The following TXNDC5 variants were observed in gnomAD, a reference collection of about 807,000 sequenced individuals.
TXNDC5 encodes thioredoxin domain-containing protein 5.
A neutral mutation model predicts 52.6 loss-of-function variants in TXNDC5; 44 were observed. The observed-to-expected ratio is 0.84, with a 90% CI of 0.66 to 1.08. TXNDC5 has a LOEUF of 1.08. Among genes scored for constraint, TXNDC5 ranks in the 50% least tolerant of loss-of-function variants. TXNDC5 has a pLI of 0.00. For synonymous variants in TXNDC5, 241 were observed against 234.4 expected (o/e 1.03, Z -0.26); for missense variants, 600 against 565.5 (o/e 1.06, Z -0.62).
At chr6:7,909,036 G>C (rs1220533381) in intron 1 of TXNDC5, among the ~76,000 whole-genome samples, 2 of 152,238 alleles carry the variant, frequency 1.3e-5, no homozygotes, top group Middle Eastern at 3.4e-3. Context: ...AAAAATTCGA[G>C]TCAGTTGGTT....
Position 7,899,692 on chromosome 6 carries a change from A to T in TXNDC5, c.414-11T>A. On this transcript the variant is annotated splice_polypyrimidine_tract_variant and intron_variant, in intron 2 of 9. Transcript: ENST00000379757. ...TTGAAAAGCTTTAAGCTGAAAGAAT[A>T]ACAAAGGATTAGACAGAGCAAAAAG... 6.2e-7 allele frequency: 1 copy of T among 1,611,334 alleles called. No individual in the cohort carries two copies. The highest frequency in any genetic ancestry group is 8.5e-7 in the Non-Finnish European group (1 of 1,177,818).
intron 1 of TXNDC5, among the ~76,000 whole-genome samples, chr6:7,905,502 T>C (rs141073174): frequency 2.0e-5 from 3 of 152,374 alleles, no homozygotes; most frequent in African/African-American, 7.2e-5. Flanking sequence ...TTCAGTTATG[T>C]ATAAATATTT....
intron 1 of TXNDC5, among the ~76,000 whole-genome samples, chr6:7,907,422 G>T (rs1245810334): frequency 1.3e-5 from 2 of 152,144 alleles, no homozygotes; most frequent in Non-Finnish European, 2.9e-5. Context: ...TCCAAATCTT[G>T]ACCTCACTGT....
At position 7,899,637 on chromosome 6, in the gene TXNDC5, C is replaced by T; in HGVS notation, c.458G>A (p.Gly153Asp). 12 of 1,614,070 alleles carry T rather than the reference C, an allele frequency of 7.4e-6. No homozygotes were observed. Among genetic ancestry groups the T allele is most frequent in the Non-Finnish European group, 1.0e-5 (12 of 1,179,996 alleles). Residue 153 changes from glycine to aspartate, a missense_variant, in exon 3 of 10, where the codon GGT (glycine) becomes GAT (aspartate). By Grantham distance (94) the Gly-to-Asp change is moderately conservative. Transcript: ENST00000379757. ...TTCCAGTGTCTGGAAGTCCCGAGGACCCTGGTACTTCACAGCTTCTTGGCC... is the reference window on the plus strand; with the variant it reads ...TTCCAGTGTCTGGAAGTCCCGAGGATCCTGGTACTTCACAGCTTCTTGGCC... Reference protein sequence around the residue: ...KPGQEAVKYQGPRDFQTLENW... With the variant: ...KPGQEAVKYQDPRDFQTLENW...
intron 8 of TXNDC5, among the ~76,000 whole-genome samples, chr6:7,885,131 T>C (rs9505300): frequency 0.031 from 4,696 of 152,278 alleles, 231 homozygotes; most frequent in African/African-American, 0.1. Flanking sequence ...TTGAAAGGCA[T>C]TGCTATGGTT....
chr6:7,887,923 G>A (rs548241794), intron 7 of TXNDC5, among the ~76,000 whole-genome samples: 11 of 152,098 alleles, frequency 7.2e-5, no homozygotes, highest in African/African-American at 1.4e-4. Context: ...CACAGATCCC[G>A]TCAATCAGCT....
At chr6:7,905,609 T>C (rs193017609) in intron 1 of TXNDC5, among the ~76,000 whole-genome samples, 75 of 152,340 alleles carry the variant, frequency 4.9e-4, no homozygotes, top group African/African-American at 1.5e-3. Context: ...CACTAGACCT[T>C]AAGTCATACA....
intron 7 of TXNDC5, 130 bp from the exon 8 acceptor site, chr6:7,886,173 G>C (rs1581307440): frequency 2.1e-5 from 15 of 712,956 alleles, no homozygotes; most frequent in African/African-American, 3.6e-5. Context: ...AGGTCACACA[G>C]AAATACCTAC....
At chr6:7,886,373 C>A (rs1166715890) in intron 7 of TXNDC5, among the ~76,000 whole-genome samples, 2 of 152,056 alleles carry the variant, frequency 1.3e-5, no homozygotes, top group East Asian at 3.9e-4. Flanking sequence ...CTCTCCAGGG[C>A]GCTGTGGTGT....
At chr6:7,905,197 A>G (rs1302400265) in intron 1 of TXNDC5, among the ~76,000 whole-genome samples, 1 of 152,116 alleles carries the variant, frequency 6.6e-6, no homozygotes, top group Non-Finnish European at 1.5e-5. Context: ...CACTTCCTCT[A>G]GCAAGTTGGC....
chr6:7,884,244 A>C, intron 9 of TXNDC5, 115 bp downstream of exon 9: 47 of 1,424,282 alleles, frequency 3.3e-5, no homozygotes, highest in East Asian at 4.7e-5. Flanking sequence ...AAGGGACATA[A>C]AAACCACATT....
Position 7,895,219 on chromosome 6 carries a change from A to T in TXNDC5, c.520-17T>A, listed in dbSNP as rs760143042. 1.1e-5 allele frequency: 17 copies of T among 1,605,224 alleles called. No homozygotes were observed. Among genetic ancestry groups the T allele is most frequent in the Non-Finnish European group, 1.4e-5 (17 of 1,175,616 alleles). ...CTCTGGTGTCTAACAGGAGGAAATA[A>T]AACAGTCATGGGTGTGTCAGTGGAG... On this transcript the variant is annotated splice_polypyrimidine_tract_variant and intron_variant, in intron 3 of 9. Coordinates refer to ENST00000379757, the MANE Select transcript of TXNDC5 (RefSeq NM_030810.5).
chr6:7,903,771 G>T (rs1760645170), intron 2 of TXNDC5, among the ~76,000 whole-genome samples: 2 of 152,212 alleles, frequency 1.3e-5, no homozygotes, highest in Non-Finnish European at 2.9e-5. Flanking sequence ...TTCAGAAACA[G>T]CTTCTTCTCT....
intron 7 of TXNDC5, 128 bp from the exon 8 acceptor site, chr6:7,886,171 CAG>C (rs1288934213): frequency 5.5e-6 from 4 of 720,928 alleles, no homozygotes; most frequent in South Asian, 5.5e-5. Flanking sequence ...CAAGGTCACA[CAG>C]AAATACCTAC....
At chr6:7,893,111 A>C (rs889333862) in intron 4 of TXNDC5, among the ~76,000 whole-genome samples, 6 of 152,232 alleles carry the variant, frequency 3.9e-5, no homozygotes, top group Admixed American at 3.3e-4. Context: ...AAAAACAAAC[A>C]AACCCTCACA....
At chr6:7,891,957 C>T (rs531371510) in intron 4 of TXNDC5, among the ~76,000 whole-genome samples, 1 of 152,322 alleles carries the variant, frequency 6.6e-6, no homozygotes, top group African/African-American at 2.4e-5. Flanking sequence ...GATGGACAAT[C>T]AGCAATCAAC....
intron 4 of TXNDC5, chr6:7,894,792 T>C: frequency 1.0e-6 from 1 of 985,290 alleles, no homozygotes; most frequent in Non-Finnish European, 1.2e-6. Flanking sequence ...CAAAGTGCAA[T>C]AAAGTAAAGA....
rs546881214 is a variant in TXNDC5 at position 7,889,180 on chromosome 6, G to T, written c.819+315C>A. 173 of 445,214 alleles carry T rather than the reference G, an allele frequency of 3.9e-4. 1 individual carries two copies. Among genetic ancestry groups the T allele is most frequent in the African/African-American group, 3.1e-3 (159 of 50,546 alleles). 27.6% of individuals were successfully genotyped at this position (445,214 alleles called of 1,614,324 possible). On this transcript the variant is annotated intron_variant, in intron 6 of 9. Coordinates refer to ENST00000379757, the MANE Select transcript of TXNDC5 (RefSeq NM_030810.5). ...AGGAGGGAGGGAGGCAGGCAGAACC[G>T]GACCAAGTGCAAGCCTTAGCTCTGT...
intron 7 of TXNDC5, among the ~76,000 whole-genome samples, chr6:7,887,507 C>T (rs1241025729): frequency 6.6e-6 from 1 of 152,174 alleles, no homozygotes; most frequent in African/African-American, 2.4e-5. Context: ...TCCCTCTCCG[C>T]GCTGCACAGC....
Sources: gnomAD v4.1 joint callset for allele counts (sites outside exome capture counted in the v4.1 genomes callset) on GRCh38, gnomAD v4.1.1 for gene constraint, MANE v1.5 for transcripts, NCBI Gene and HGNC (gene_info 2026-07-23, HGNC 2026-07-21) for gene names.